The following GRAMD1B variants were observed in gnomAD, a reference collection of about 807,000 sequenced individuals.
GRAMD1B encodes GRAM domain containing 1B.
A neutral mutation model predicts 99.7 loss-of-function variants in GRAMD1B; 37 were observed. The observed-to-expected ratio is 0.37, with a 90% confidence interval of 0.29 to 0.49. GRAMD1B has a LOEUF of 0.49. GRAMD1B is among the 20% of genes least tolerant of loss of function. The pLI is 0.98. For missense variants in GRAMD1B, 888 were observed against 1,009.2 expected (o/e 0.88, Z 1.63); for synonymous variants, 427 against 387.6 (o/e 1.10, Z -1.19).
intron 1 of GRAMD1B, among the ~76,000 whole-genome samples, chr11:123,439,551 C>T (rs1949314946): frequency 6.6e-6 from 1 of 152,160 alleles, no homozygotes; most frequent in African/African-American, 2.4e-5. Context: ...GGCCCTAACA[C>T]ATTGGGTAGT....
chr11:123,583,271 G>A (rs887690021), intron 3 of GRAMD1B, among the ~76,000 whole-genome samples: 6 of 148,818 alleles, frequency 4.0e-5, no homozygotes, highest in Non-Finnish European at 3.0e-5. Context: ...ATGCGCATGT[G>A]TGTGTGCATG....
chr11:123,609,920 A>C lies in GRAMD1B; in HGVS notation c.1776+7A>C. On this transcript the variant is annotated splice_region_variant and intron_variant, in intron 13 of 19. Transcript: ENST00000635736. ...CACTGTCAGGGAGACACAGGTGAGC[A>C]GAGCCGCGGATGCACAGAAGAGCGA... 6.9e-7 allele frequency: 1 copy of C among 1,445,514 alleles called. No individual in the cohort carries two copies. The highest frequency in any genetic ancestry group is 9.6e-7 in the Non-Finnish European group (1 of 1,040,912). 89.5% of individuals were successfully genotyped at this position (1,445,514 alleles called of 1,614,324 possible). A position where few individuals can be genotyped will look rare whatever the true frequency, so the allele number is the denominator to read the frequency against.
chr11:123,435,467 A>G (rs1565497664), intron 1 of GRAMD1B: 2 of 702,758 alleles, frequency 2.8e-6, no homozygotes, highest in Non-Finnish European at 5.2e-6. Context: ...CACAAAGTTG[A>G]AAATATGAAG....
At position 123,602,739 on chromosome 11, in the gene GRAMD1B, A is replaced by G. The variant is rs538833240; in HGVS notation, c.1051-687A>G. 1.1e-4 allele frequency among the ~76,000 whole-genome samples: 16 copies of G among 152,146 alleles called. No homozygotes were observed. The South Asian group carries it at 3.3e-3, about 32-fold the overall frequency. On this transcript the variant is annotated intron_variant, in intron 8 of 19. Transcript: ENST00000635736. ...GAACAGTGTTTTTTTGGGAGGACAC[A>G]TAGGCACCCGGTGAAATAAGAAAAC...
intron 1 of GRAMD1B, among the ~76,000 whole-genome samples, chr11:123,401,721 CA>C (rs913164424): frequency 1.2e-4 from 18 of 151,916 alleles, no homozygotes; most frequent in Non-Finnish European, 2.1e-4. Context: ...CTGTCTCTAC[CA>C]AAAAATAAGT....
intron 1 of GRAMD1B, among the ~76,000 whole-genome samples, chr11:123,457,134 A>G (rs865797983): frequency 1.4e-5 from 2 of 147,492 alleles, no homozygotes; most frequent in African/African-American, 2.5e-5. Flanking sequence ...AGAAAGAAAG[A>G]AAGAATTAGA....
chr11:123,425,438 G>C (rs574441411), upstream of GRAMD1B, among the ~76,000 whole-genome samples: 6 of 152,258 alleles, frequency 3.9e-5, 1 homozygote, highest in African/African-American at 1.4e-4. Context: ...CTGTGCCTTG[G>C]TATCCTTGGT....
chr11:123,566,965 C>T (rs1947463582), intron 2 of GRAMD1B, among the ~76,000 whole-genome samples: 1 of 152,156 alleles, frequency 6.6e-6, no homozygotes. Flanking sequence ...AATTTCCGCT[C>T]CTATAAGGGC....
chr11:123,365,033 ATTGCTTAC>A (rs1246202448), intron 1 of GRAMD1B, among the ~76,000 whole-genome samples: 1 of 152,118 alleles, frequency 6.6e-6, no homozygotes, highest in Non-Finnish European at 1.5e-5. Context: ...ATCATGACTT[ATTGCTTAC>A]AGCGCTATTC....
At chr11:123,366,019 A>G (rs1185995716) in intron 1 of GRAMD1B, among the ~76,000 whole-genome samples, 1 of 152,202 alleles carries the variant, frequency 6.6e-6, no homozygotes, top group Non-Finnish European at 1.5e-5. Flanking sequence ...AGCAGAGGCA[A>G]ATCTCTTAGG....
At chr11:123,595,245 C>T (rs1401287490) in intron 6 of GRAMD1B, among the ~76,000 whole-genome samples, 4 of 151,694 alleles carry the variant, frequency 2.6e-5, no homozygotes, top group Non-Finnish European at 5.9e-5. Context: ...CCTCTATTTC[C>T]TCATCTCGTA....
chr11:123,510,061 T>G lies in GRAMD1B; in HGVS notation c.452+29168T>G, dbSNP rs919048119. On this transcript the variant is annotated intron_variant, in intron 2 of 19. Coordinates refer to ENST00000635736, the MANE Select transcript of GRAMD1B (RefSeq NM_001387025.1). The surrounding 1 kb of genome is among the most constrained non-coding windows in gnomAD (Gnocchi z 4.3). ...AGGTGAGTGGCTTCACCGGGCGAAT[T>G]TCTCTCCTTTTGCATTCTCCACCTT... is the stretch of plus-strand genomic sequence containing the variant. 1 of 152,184 alleles carries G rather than the reference T, an allele frequency of 6.6e-6. No individual in the cohort carries two copies. The highest frequency in any genetic ancestry group is 2.4e-5 in the African/African-American group (1 of 41,390). The allele number at this position is 152,184 out of a possible 1,614,324, so 9.4% of individuals were successfully genotyped here.
chr11:123,374,956 A>C (rs1466470377), intron 1 of GRAMD1B, among the ~76,000 whole-genome samples: 1 of 152,220 alleles, frequency 6.6e-6, no homozygotes, highest in African/African-American at 2.4e-5. Flanking sequence ...TATCGGAAGT[A>C]ACATGATCTT....
In GRAMD1B at chr11:123,613,462, G is replaced by A. The variant is rs147881700; in HGVS notation, c.2031G>A (p.Glu677=). 2,638 of 1,609,058 alleles carry A rather than the reference G, an allele frequency of 1.6e-3. 15 individuals carry two copies. Among genetic ancestry groups the A allele is most frequent in the Admixed American group, 0.014 (843 of 59,434 alleles). The change falls in exon 16 of 20, where the codon GAG becomes GAA. Residue 677 remains glutamate (E), a synonymous_variant. Coordinates refer to ENST00000635736, the MANE Select transcript of GRAMD1B (RefSeq NM_001387025.1). ...LEDYFRHLES[E]LAKTESTYLA... ...TCCTTTTGTCTCTGATAGAGAGCGA[G>A]CTGGCCAAAACGGAGAGCACTTATT...
In GRAMD1B at chr11:123,587,682, C is replaced by T. The variant is rs147183898; in HGVS notation, c.684+3350C>T. Among the ~76,000 whole-genome samples the T allele has an allele frequency of 1.6e-4, 24 of 152,300 alleles. No homozygotes were observed. In the East Asian group the frequency reaches 3.9e-3, roughly 25 times the overall value. ...GCACAGGAGCCCAGACCCTGGCAGC[C>T]GCCTGAGACTTAGCACCCTGCTTGC... On this transcript the variant is annotated intron_variant, in intron 4 of 19. Coordinates refer to ENST00000635736, the MANE Select transcript of GRAMD1B (RefSeq NM_001387025.1). This position sits in a 1 kb window ranked among gnomAD's most constrained non-coding sequence, Gnocchi z 4.2.
chr11:123,618,002 C>CG (rs1954670614), intron 17 of GRAMD1B, among the ~76,000 whole-genome samples: 1 of 152,138 alleles, frequency 6.6e-6, no homozygotes, highest in East Asian at 1.9e-4. Flanking sequence ...TTGCAGCTTG[C>CG]GGGAAGTTCT....
intron 4 of GRAMD1B, among the ~76,000 whole-genome samples, chr11:123,592,297 G>C (rs1950748720): frequency 1.3e-5 from 2 of 152,190 alleles, no homozygotes; most frequent in Admixed American, 1.3e-4. Flanking sequence ...GGAGGACCAG[G>C]AGCAGTTACC....
In GRAMD1B at chr11:123,610,258, C is replaced by G. The variant is rs752871193; in HGVS notation, c.1839C>G (p.His613Gln). The G allele has an allele frequency of 6.2e-7, 1 of 1,613,654 alleles. No homozygotes were observed. The highest frequency in any genetic ancestry group is 8.5e-7 in the Non-Finnish European group (1 of 1,179,582). The change falls in exon 14 of 20, where the codon CAC becomes CAG. Residue 613 changes from histidine to glutamine, a missense_variant. Physicochemically the swap from His to Gln is conservative, Grantham distance 24. Coordinates refer to ENST00000635736, the MANE Select transcript of GRAMD1B (RefSeq NM_001387025.1). This position sits in a 1 kb window ranked among gnomAD's most constrained non-coding sequence, Gnocchi z 4.1. ...CYVIDAEVLT[H>Q]DVPYHDYFYT... Reference sequence around the variant, plus strand: ...TGATAGATGCCGAAGTCCTCACCCACGACGTGCCCTACCATGACTACTTCT... The same window carrying G: ...TGATAGATGCCGAAGTCCTCACCCAGGACGTGCCCTACCATGACTACTTCT...
At chr11:123,528,865 T>C (rs992357908) in intron 2 of GRAMD1B, among the ~76,000 whole-genome samples, 1 of 152,122 alleles carries the variant, frequency 6.6e-6, no homozygotes, top group Non-Finnish European at 1.5e-5. Flanking sequence ...TGAGATTTGA[T>C]TAAATTAATG....
Sources: gnomAD v4.1 joint callset for allele counts (sites outside exome capture counted in the v4.1 genomes callset) on GRCh38, gnomAD v4.1.1 for gene constraint, Gnocchi (gnomAD v3.1) non-coding constraint, MANE v1.5 for transcripts, NCBI Gene and HGNC (gene_info 2026-07-23, HGNC 2026-07-21) for gene names.